The following PCSK9 variants were observed in gnomAD, a reference collection of about 807,000 sequenced individuals.
PCSK9 encodes the protein proprotein convertase subtilisin/kexin type 9, also known as convertase subtilisin/kexin type 9 preproprotein.
In PCSK9, 57 loss-of-function variants were observed where a neutral mutation model predicts 62.1. That is an observed-to-expected ratio of 0.92 (90% CI 0.74 to 1.14). The LOEUF is 1.14. Ranked by LOEUF, PCSK9 falls within the 50% of genes most tolerant of loss-of-function variation. The probability of loss-of-function intolerance (pLI) is 0.00; values close to 1 mark genes in which losing one functional copy is unlikely to be tolerated. For missense variants in PCSK9, 870 were observed against 959.8 expected, an observed-to-expected ratio of 0.91 and a Z score of 1.24; for synonymous variants, 387 against 409.4, an observed-to-expected ratio of 0.95 and a Z score of 0.66.
At chr1:55,053,524 G>A (rs112099148) in intron 5 of PCSK9, among the ~76,000 whole-genome samples, 10 of 152,282 alleles carry the variant, frequency 6.6e-5, no homozygotes, top group East Asian at 1.9e-4. Flanking sequence ...TGGGGAACTC[G>A]CTGGGAAAAC....
At chr1:55,053,219 T>C (rs1217381580) in intron 5 of PCSK9, among the ~76,000 whole-genome samples, 1 of 152,072 alleles carries the variant, frequency 6.6e-6, no homozygotes, top group Non-Finnish European at 1.5e-5. Flanking sequence ...GCCCTGCAGG[T>C]CACACTGGCC....
chr1:55,059,399 G>T, intron 9 of PCSK9, 87 bp from the exon 10 acceptor site: 1 of 1,488,720 alleles, frequency 6.7e-7, no homozygotes. Flanking sequence ...CACTGATGAG[G>T]GTGCTTGAGT....
chr1:55,058,432 A>C, intron 8 of PCSK9, 67 bp from the exon 9 acceptor site: 1 of 1,606,968 alleles, frequency 6.2e-7, no homozygotes, highest in African/African-American at 1.3e-5. Context: ...CCTACCATGA[A>C]CTAAAGATTT....
At position 55,043,901 on chromosome 1, in the gene PCSK9, C is replaced by G. The variant is rs771978846; in HGVS notation, c.266C>G (p.Ser89Trp). Residue 89 changes from serine to tryptophan, a missense_variant, in exon 2 of 12, where the codon TCG becomes TGG. Ser to Trp is a radical substitution (Grantham distance 177). Coordinates refer to ENST00000302118, the MANE Select transcript of PCSK9 (RefSeq NM_174936.4). ...VVVLKEETHL[S>W]QSERTARRLQ... is the part of the protein sequence containing the mutation. ...GTGCTGAAGGAGGAGACCCACCTCT[C>G]GCAGTCAGAGCGCACTGCCCGCCGC... 177 of 1,614,082 alleles carry G rather than the reference C, an allele frequency of 1.1e-4. 1 individual carries two copies. The South Asian group carries it at 1.8e-3, about 16-fold the overall frequency.
At chr1:55,042,034 T>C (rs1414076533) in intron 1 of PCSK9, among the ~76,000 whole-genome samples, 1 of 152,088 alleles carries the variant, frequency 6.6e-6, no homozygotes, top group Non-Finnish European at 1.5e-5. Flanking sequence ...GCAACATCTG[T>C]CTCCCGGGTT....
chr1:55,040,050 G>A lies in PCSK9; in HGVS notation c.207+6G>A, dbSNP rs1306315743. ...CCTTCCACCGCTGCGCCAAGGTGCG[G>A]GTGTAGGGATGGGAGGCCGGGGCGA... On this transcript the variant is annotated splice_donor_region_variant and intron_variant, in intron 1 of 11. Coordinates refer to ENST00000302118, the MANE Select transcript of PCSK9 (RefSeq NM_174936.4). The surrounding 1 kb of genome is among the most constrained non-coding windows in gnomAD (Gnocchi z 4.1). 4 of 1,557,974 alleles carry A rather than the reference G, an allele frequency of 2.6e-6. No homozygotes were observed. The South Asian group carries it at 3.6e-5, about 14-fold the overall frequency.
chr1:55,051,797 C>T (rs907416475), intron 3 of PCSK9: 1 of 263,068 alleles, frequency 3.8e-6, no homozygotes, highest in South Asian at 4.3e-5. Context: ...GACATACATC[C>T]TGTCCGAGCT....
At chr1:55,054,986 T>C (rs187156578) in intron 5 of PCSK9, among the ~76,000 whole-genome samples, 36 of 146,350 alleles carry the variant, frequency 2.5e-4, no homozygotes, top group African/African-American at 4.3e-4. Context: ...GCCTGGGCAA[T>C]AGAGCGAGAC....
At position 55,064,842 on chromosome 1, in the gene PCSK9, CGTT is replaced by C. The variant is rs1183655651; in HGVS notation, c.*1261_*1263del. On this transcript the variant is annotated 3_prime_UTR_variant, in exon 12 of 12. Coordinates refer to ENST00000302118, the MANE Select transcript of PCSK9 (RefSeq NM_174936.4). ...ACTTTTTAAAATAAAAACAAACAAA[CGTT>C]GTCCTAACTCTTGCATAGACTTGAC... 6.6e-6 allele frequency: 1 copy of C among 152,150 alleles called. No homozygotes were observed. The highest frequency in any genetic ancestry group is 1.5e-5 in the Non-Finnish European group (1 of 68,026). The allele number at this position is 152,150 out of a possible 1,614,324, so 9.4% of individuals were successfully genotyped here.
rs759214329 is a variant in PCSK9 at position 55,039,996 on chromosome 1, C to T, written c.159C>T (p.Ala53=). 17 of 1,578,200 alleles carry T rather than the reference C, an allele frequency of 1.1e-5. No homozygotes were observed. The South Asian group carries it at 2.0e-4, about 18-fold the overall frequency. ...LALRSEEDGL[A]EAPEHGTTAT... Reference sequence around the variant, plus strand: ...TGCGTTCCGAGGAGGACGGCCTGGCCGAAGCACCCGAGCACGGAACCACAG... The same window carrying T: ...TGCGTTCCGAGGAGGACGGCCTGGCTGAAGCACCCGAGCACGGAACCACAG... Residue 53 remains alanine (A), a synonymous_variant, in exon 1 of 12, where the codon GCC becomes GCT. Coordinates refer to ENST00000302118, the MANE Select transcript of PCSK9 (RefSeq NM_174936.4).
intron 5 of PCSK9, among the ~76,000 whole-genome samples, chr1:55,053,754 C>T (rs1003947896): frequency 1.3e-5 from 2 of 152,236 alleles, no homozygotes; most frequent in African/African-American, 4.8e-5. Flanking sequence ...CCTTCTGCCC[C>T]ATCAGGTGAC....
Position 55,063,601 on chromosome 1 carries a change from T to C in PCSK9, c.*17T>C. ...CTCCAGTGACAGCCCCATCCCAGGATGGGTGTCTGGGGAGGGTCAAGGGCT... is the reference window on the plus strand; with the variant it reads ...CTCCAGTGACAGCCCCATCCCAGGACGGGTGTCTGGGGAGGGTCAAGGGCT... On this transcript the variant is annotated 3_prime_UTR_variant, in exon 12 of 12. Coordinates refer to ENST00000302118, the MANE Select transcript of PCSK9 (RefSeq NM_174936.4). The C allele has an allele frequency of 6.2e-7, 1 of 1,608,872 alleles. No homozygotes were observed. The highest frequency in any genetic ancestry group is 8.5e-7 in the Non-Finnish European group (1 of 1,178,532).
intron 1 of PCSK9, among the ~76,000 whole-genome samples, chr1:55,043,581 C>G (rs369026446): frequency 1.1e-3 from 169 of 152,334 alleles, no homozygotes; most frequent in Middle Eastern, 6.8e-3. Context: ...CAGAGGAAAA[C>G]CTGTTGTCGA....
rs992045197 is a variant in PCSK9, at chr1:55,040,147, G to A, written c.207+103G>A. 4.9e-6 allele frequency: 7 copies of A among 1,429,284 alleles called. No individual in the cohort carries two copies. The East Asian group carries it at 1.8e-4, about 36-fold the overall frequency. 88.5% of individuals were successfully genotyped at this position (1,429,284 alleles called of 1,614,324 possible). ...TTCCCCCCATGTAAGAGAGGAAGTG[G>A]AGTGCAGGTCGCCGAGGGCTCTTCG... On this transcript the variant is annotated intron_variant, in intron 1 of 11. Coordinates refer to ENST00000302118, the MANE Select transcript of PCSK9 (RefSeq NM_174936.4). The surrounding 1 kb of genome is among the most constrained non-coding windows in gnomAD (Gnocchi z 4.1).
At chr1:55,042,686 G>C (rs1249362712) in intron 1 of PCSK9, among the ~76,000 whole-genome samples, 5 of 152,184 alleles carry the variant, frequency 3.3e-5, no homozygotes, top group Non-Finnish European at 7.4e-5. Flanking sequence ...AGCCAGTGAA[G>C]GTTCTTAAGC....
At chr1:55,044,909 T>C (rs1644622910) in intron 2 of PCSK9, among the ~76,000 whole-genome samples, 1 of 152,180 alleles carries the variant, frequency 6.6e-6, no homozygotes, top group Non-Finnish European at 1.5e-5. Context: ...ATGACAGGGA[T>C]TGACAGGGTC....
chr1:55,058,444 T>C, intron 8 of PCSK9, 55 bp from the exon 9 acceptor site: 1 of 1,611,600 alleles, frequency 6.2e-7, no homozygotes, highest in Non-Finnish European at 8.5e-7. Flanking sequence ...TAAAGATTTC[T>C]GTGGAGGTCC....
intron 3 of PCSK9, among the ~76,000 whole-genome samples, chr1:55,047,887 C>T (rs988904461): frequency 6.6e-6 from 1 of 152,116 alleles, no homozygotes; most frequent in Non-Finnish European, 1.5e-5. Flanking sequence ...TCAGTGGAGC[C>T]CTGGAGCCCC....
At chr1:55,057,576 T>A in intron 7 of PCSK9, 62 bp downstream of exon 7, 2 of 1,541,288 alleles carry the variant, frequency 1.3e-6, no homozygotes, top group South Asian at 1.2e-5. Flanking sequence ...GCAGTCAGGG[T>A]CTGTGCCGGG....
Sources: allele counts gnomAD v4.1 joint callset (sites outside exome capture counted in the v4.1 genomes callset), GRCh38; gene constraint gnomAD v4.1.1; non-coding constraint Gnocchi (gnomAD v3.1); transcripts MANE v1.5; gene names NCBI Gene and HGNC (gene_info 2026-07-23, HGNC 2026-07-21).